CHD4: variants seen among roughly 807,000 people sequenced by gnomAD.
CHD4 encodes chromodomain helicase DNA binding protein 4.
Under a neutral mutation model 235.5 loss-of-function variants are expected in CHD4, and 35 were observed. The ratio of observed to expected loss-of-function variants is 0.15; its 90% CI spans 0.11 to 0.20. CHD4 has a LOEUF of 0.20. Among genes scored for constraint, CHD4 ranks in the 10% least tolerant of loss-of-function variants. The probability of loss-of-function intolerance (pLI) is 1.00; values close to 1 mark genes in which losing one functional copy is unlikely to be tolerated. For missense variants in CHD4, 1,329 were observed against 2,432.3 expected (o/e 0.55, Z 9.54); for synonymous variants, 900 against 850.2 (o/e 1.06, Z -1.02).
intron 8 of CHD4, 31 bp from the exon 9 acceptor site, chr12:6,600,426 T>TG: frequency 6.2e-7 from 1 of 1,611,634 alleles, no homozygotes; most frequent in Non-Finnish European, 8.5e-7. Context: ...GCCCAGTTAT[T>TG]GGAAAAAAAC....
At chr12:6,586,461 A>G (rs1244527772) in intron 25 of CHD4, among the ~76,000 whole-genome samples, 3 of 152,094 alleles carry the variant, frequency 2.0e-5, no homozygotes, top group African/African-American at 7.2e-5. Context: ...GTGGTGGCTA[A>G]CACCTGTAAT....
At chr12:6,574,706 CAA>C (rs778264131) in intron 37 of CHD4, among the ~76,000 whole-genome samples, 10 of 152,088 alleles carry the variant, frequency 6.6e-5, no homozygotes, top group Non-Finnish European at 1.5e-4. Context: ...TGAGAAATAC[CAA>C]AAGACTTGTC....
intron 29 of CHD4, 109 bp downstream of exon 29, chr12:6,582,506 C>G: frequency 2.7e-6 from 4 of 1,478,414 alleles, no homozygotes; most frequent in Non-Finnish European, 3.6e-6. Context: ...CCAACTTCAA[C>G]AGAGAAAATA....
At position 6,588,254 on chromosome 12, in the gene CHD4, G is replaced by A. The variant is rs1461881353; in HGVS notation, c.3465+44C>T. The stretch of plus-strand genomic sequence containing the variant: ...TCATAGAGGCCACTATGCCTTTCTA[G>A]CATAACATGTTACTTATTAAGGCTG... On this transcript the variant is annotated intron_variant, in intron 23 of 39. Coordinates refer to ENST00000544040, the MANE Select transcript of CHD4 (RefSeq NM_001273.5). The A allele has an allele frequency of 3.7e-6, 6 of 1,601,964 alleles. 1 individual carries two copies. The Admixed American group carries it at 1.0e-4, about 27-fold the overall frequency.
chr12:6,593,666 AC>A lies in CHD4; in HGVS notation c.2314-51del. 6.5e-7 allele frequency: 1 copy of A among 1,541,140 alleles called. No individual in the cohort carries two copies. Among genetic ancestry groups the A allele is most frequent in the Non-Finnish European group, 8.9e-7 (1 of 1,120,956 alleles). ...GGACTGAGGGCCCCAGCACACTGCA[AC>A]CCCAGCGAACACCCACCACCCTGCT... On this transcript the variant is annotated intron_variant, in intron 15 of 39. Coordinates refer to ENST00000544040, the MANE Select transcript of CHD4 (RefSeq NM_001273.5). This position sits in a 1 kb window ranked among gnomAD's most constrained non-coding sequence, Gnocchi z 4.9.
At chr12:6,572,975 C>T in intron 38 of CHD4, 99 bp downstream of exon 38, 1 of 1,233,516 alleles carries the variant, frequency 8.1e-7, no homozygotes, top group South Asian at 1.5e-5. Flanking sequence ...AACTCCCAGA[C>T]AAAGGAGCTC....
chr12:6,592,636 G>C (rs1948420277), intron 18 of CHD4, 60 bp downstream of exon 18: 1 of 1,588,484 alleles, frequency 6.3e-7, no homozygotes. Flanking sequence ...TACAGGAAAT[G>C]GGCAACAGGA....
intron 8 of CHD4, 36 bp downstream of exon 8, chr12:6,600,498 C>G: frequency 6.2e-7 from 1 of 1,612,646 alleles, no homozygotes; most frequent in Non-Finnish European, 8.5e-7. Context: ...TCACTCCCAC[C>G]TCATCCCATC....
chr12:6,572,111 A>G (rs1299901792), intron 38 of CHD4, among the ~76,000 whole-genome samples: 1 of 137,800 alleles, frequency 7.3e-6, no homozygotes, highest in East Asian at 2.2e-4. Flanking sequence ...GGGCAACAAG[A>G]GCAAAATTCC....
chr12:6,577,361 G>A (rs1948088415), intron 37 of CHD4, among the ~76,000 whole-genome samples: 1 of 143,776 alleles, frequency 7.0e-6, no homozygotes, highest in Admixed American at 7.2e-5. Context: ...CACAGAGGTT[G>A]TAGTGAGCAG....
rs777763272 is a variant in CHD4, at chr12:6,582,881, A to C, written c.4203T>G (p.Pro1401=). ...GLRNDKDKPL[P]PLLARVGGNI... ...TCCCACCAACACGGGCCAACAGAGGAGGCAATGGCTTATCTTTATCATTCC... is the reference window on the plus strand; with the variant it reads ...TCCCACCAACACGGGCCAACAGAGGCGGCAATGGCTTATCTTTATCATTCC... Residue 1401 remains proline, a synonymous_variant, in exon 28 of 40, where the codon CCT becomes CCG. Coordinates refer to ENST00000544040, the MANE Select transcript of CHD4 (RefSeq NM_001273.5). The C allele has an allele frequency of 1.2e-5, 20 of 1,613,906 alleles. No homozygotes were observed. Among genetic ancestry groups the C allele is most frequent in the Admixed American group, 3.3e-5 (2 of 59,992 alleles).
intron 38 of CHD4, 43 bp downstream of exon 38, chr12:6,573,031 C>A: frequency 6.4e-7 from 1 of 1,565,632 alleles, no homozygotes; most frequent in South Asian, 1.2e-5. Context: ...GCAGTCAGAT[C>A]AGGGAGGCCG....
intron 28 of CHD4, 30 bp from the exon 29 acceptor site, chr12:6,582,778 C>G (rs1476853484): frequency 1.1e-5 from 17 of 1,614,098 alleles, no homozygotes; most frequent in South Asian, 2.2e-5. Flanking sequence ...AGGTGAGAGG[C>G]AGCAGGTCGC....
At chr12:6,591,122 C>CAAAAA (rs35011913) in intron 22 of CHD4, 5 of 25,580 alleles carry the variant, frequency 2.0e-4, no homozygotes, top group South Asian at 4.9e-3. Context: ...GACTCCATCT[C>CAAAAA]AAAAAAAAAA....
chr12:6,578,741 G>T, intron 34 of CHD4, 105 bp downstream of exon 34: 2 of 1,377,166 alleles, frequency 1.5e-6, no homozygotes, highest in Non-Finnish European at 2.1e-6. Flanking sequence ...TTTATCTTGG[G>T]ATAAAATGGC....
intron 18 of CHD4, 30 bp downstream of exon 18, chr12:6,592,666 T>C (rs1948420978): frequency 6.2e-7 from 1 of 1,605,374 alleles, no homozygotes; most frequent in South Asian, 1.1e-5. Context: ...GGCACAATTA[T>C]GAGCCGATTA....
intron 33 of CHD4, among the ~76,000 whole-genome samples, chr12:6,580,055 C>CAAAA: frequency 1.4e-5 from 1 of 69,026 alleles, no homozygotes; most frequent in Non-Finnish European, 3.0e-5. Flanking sequence ...GACTCCGTCT[C>CAAAA]AAAAAAAAAA....
At chr12:6,605,242 G>A (rs904239718) in intron 2 of CHD4, among the ~76,000 whole-genome samples, 3 of 152,050 alleles carry the variant, frequency 2.0e-5, no homozygotes, top group East Asian at 1.9e-4. Context: ...GCTCCAGAAT[G>A]AGAAGAAAAC....
Position 6,592,570 on chromosome 12 carries a change from C to T in CHD4, c.2775-4G>A. On this transcript the variant is annotated splice_polypyrimidine_tract_variant and splice_region_variant and intron_variant, in intron 18 of 39. Coordinates refer to ENST00000544040, the MANE Select transcript of CHD4 (RefSeq NM_001273.5). ...CTCCAAAAAACCTTCCAAATTGCTT[C>T]AGAAAGAAAAAGGAAAAAAGTTATT... is the stretch of plus-strand genomic sequence containing the variant. 1 of 1,579,616 alleles carries T rather than the reference C, an allele frequency of 6.3e-7. No individual in the cohort carries two copies. The highest frequency in any genetic ancestry group is 8.6e-7 in the Non-Finnish European group (1 of 1,159,756).
Sources: allele counts gnomAD v4.1 joint callset (sites outside exome capture counted in the v4.1 genomes callset), GRCh38; gene constraint gnomAD v4.1.1; non-coding constraint Gnocchi (gnomAD v3.1); transcripts MANE v1.5; gene names NCBI Gene and HGNC (gene_info 2026-07-23, HGNC 2026-07-21).